The following MYO15A variants were observed in gnomAD, a reference collection of about 807,000 sequenced individuals.
MYO15A encodes myosin XVA, also known as unconventional myosin-XV.
A neutral mutation model predicts 394.6 loss-of-function variants in MYO15A; 308 were observed. The observed-to-expected ratio is 0.78, with a 90% confidence interval of 0.71 to 0.86. The LOEUF (loss-of-function observed/expected upper bound fraction) is 0.86. Among genes scored for constraint, MYO15A ranks in the 40% least tolerant of loss-of-function variants. The pLI, the probability that MYO15A is intolerant of heterozygous loss-of-function variation, is 0.00. For synonymous variants in MYO15A, 1,957 were observed against 2,003.8 expected (o/e 0.98, Z 0.62); for missense variants, 4,606 against 4,799.1 (o/e 0.96, Z 1.19).
At chr17:18,109,911 G>A (rs2045701464) in intron 1 of MYO15A, 1 of 152,104 alleles carries the variant, frequency 6.6e-6, no homozygotes, top group African/African-American at 2.4e-5. Flanking sequence ...TCTCATTTCG[G>A]AACCCTCCTT....
Position 18,130,856 on chromosome 17 carries a change from GTGTGTGTGTGTGTGTC to G in MYO15A, c.4038+50_4038+65del, listed in dbSNP as rs781571271. On this transcript the variant is annotated intron_variant, in intron 8 of 65. Transcript: ENST00000647165. ...TGTGTGTGTGTGTGTGTGTGTGTGT[GTGTGTGTGTGTGTGTC>G]TGTCCAGGAAAATGCGTGTGGATGT... 664 of 1,541,748 alleles carry G rather than the reference GTGTGTGTGTGTGTGTC, an allele frequency of 4.3e-4. 2 individuals carry two copies. In the African/African-American group the frequency reaches 7.4e-3, roughly 17 times the overall value.
At position 18,153,956 on chromosome 17, in the gene MYO15A, C is replaced by T. The variant is rs112370598; in HGVS notation, c.8088+60C>T. The T allele has an allele frequency of 1.9e-6, 3 of 1,609,020 alleles. No individual in the cohort carries two copies. The highest frequency in any genetic ancestry group is 2.7e-5 in the African/African-American group (2 of 74,728). On this transcript the variant is annotated intron_variant, in intron 43 of 65. Coordinates refer to ENST00000647165, the MANE Select transcript of MYO15A (RefSeq NM_016239.4). The surrounding 1 kb of genome is among the most constrained non-coding windows in gnomAD (Gnocchi z 4.1). The stretch of plus-strand genomic sequence containing the variant: ...AAGCGGGGCAGGGGAGGGGCTGAAG[C>T]GAGCAGAGGAGGGTCTAGGACTTGG...
chr17:18,131,182 C>G (rs2046155176), intron 8 of MYO15A, 57 bp from the exon 9 acceptor site: 1 of 1,507,290 alleles, frequency 6.6e-7, no homozygotes, highest in Admixed American at 1.7e-5. Flanking sequence ...GCCCCCCACC[C>G]AGGCCCCCAG....
chr17:18,149,249 C>A lies in MYO15A; in HGVS notation c.6990C>A (p.Asp2330Glu). The A allele has an allele frequency of 6.2e-7, 1 of 1,614,036 alleles. No homozygotes were observed. Among genetic ancestry groups the A allele is most frequent in the Middle Eastern group, 1.6e-4 (1 of 6,062 alleles). The change falls in exon 34 of 66, where the codon GAC becomes GAA. Residue 2330 changes from aspartate to glutamate, a missense_variant. Asp to Glu is a conservative substitution (Grantham distance 45, BLOSUM62 2). Around this residue, in one of 2 missense-constraint regions of MYO15A, gnomAD observed 2,776 missense variants for 3,109.3 expected, o/e 0.89. Transcript: ENST00000647165. The stretch of plus-strand genomic sequence containing the variant: ...GGAACAGCTGGGACTCGGATGAGGA[C>A]ATGTCCACTAGACCCCAGCCCCAGG... ...VFGNSWDSDE[D>E]MSTRPQPQEH...
At chr17:18,168,888 G>C (rs1435097116) in intron 62 of MYO15A, among the ~76,000 whole-genome samples, 1 of 151,546 alleles carries the variant, frequency 6.6e-6, no homozygotes, top group African/African-American at 2.4e-5. Context: ...GATCACCAGA[G>C]GTCAGGAGTT....
Position 18,118,767 on chromosome 17 carries a change from C to T in MYO15A, c.-34C>T, listed in dbSNP as rs374326586. ...CTCCAAGTCCCTGAGCCCGTGACACCGGCCCCAGGCCCTGTAGAGAGCAGG... is the reference window on the plus strand; with the variant it reads ...CTCCAAGTCCCTGAGCCCGTGACACTGGCCCCAGGCCCTGTAGAGAGCAGG... On this transcript the variant is annotated 5_prime_UTR_variant, in exon 2 of 66. Coordinates refer to ENST00000647165, the MANE Select transcript of MYO15A (RefSeq NM_016239.4). 3.1e-6 allele frequency: 5 copies of T among 1,607,166 alleles called. No homozygotes were observed. The East Asian group carries it at 6.7e-5, about 22-fold the overall frequency.
rs1480347181 is a variant in MYO15A at position 18,118,780 on chromosome 17, T to C, written c.-21T>C. The C allele has an allele frequency of 1.9e-6, 3 of 1,607,574 alleles. No individual in the cohort carries two copies. Reference sequence around the variant, plus strand: ...AGCCCGTGACACCGGCCCCAGGCCCTGTAGAGAGCAGGCAGCCACCATGGC... The same window carrying C: ...AGCCCGTGACACCGGCCCCAGGCCCCGTAGAGAGCAGGCAGCCACCATGGC... On this transcript the variant is annotated 5_prime_UTR_variant, in exon 2 of 66. Coordinates refer to ENST00000647165, the MANE Select transcript of MYO15A (RefSeq NM_016239.4).
Position 18,157,815 on chromosome 17 carries a change from C to A in MYO15A, c.8882C>A (p.Thr2961Lys), listed in dbSNP as rs1347316160. ...GCCCCCGACTTCCTGCAGCTGCCAA[C>A]GGAGCCAGGCCGCGGCCGAGCAGCC... Reference protein sequence around the residue: ...AAAPDFLQLPTEPGRGRAAAV... With the variant: ...AAAPDFLQLPKEPGRGRAAAV... Residue 2961 changes from threonine (T) to lysine (K), a missense_variant, in exon 51 of 66, where the codon ACG (threonine) becomes AAG (lysine). By Grantham distance (78) the Thr-to-Lys change is moderately conservative (BLOSUM62 -1). Coordinates refer to ENST00000647165, the MANE Select transcript of MYO15A (RefSeq NM_016239.4). The A allele has an allele frequency of 6.9e-6, 11 of 1,599,538 alleles. No individual in the cohort carries two copies. In the East Asian group the frequency reaches 1.8e-4, roughly 26 times the overall value.
intron 65 of MYO15A, 78 bp from the exon 66 acceptor site, chr17:18,178,691 C>T (rs769342567): frequency 1.4e-6 from 2 of 1,398,404 alleles, no homozygotes; most frequent in Non-Finnish European, 2.0e-6. Context: ...CCAACCACCT[C>T]TCCATTCTGT....
At position 18,126,842 on chromosome 17, in the gene MYO15A, A is replaced by G; in HGVS notation, c.3918A>G (p.Lys1306=). 6.2e-7 allele frequency: 1 copy of G among 1,613,838 alleles called. No homozygotes were observed. The change falls in exon 6 of 66, where the codon AAA becomes AAG. Residue 1306 remains lysine, a synonymous_variant. Coordinates refer to ENST00000647165, the MANE Select transcript of MYO15A (RefSeq NM_016239.4). ...CCTTCGCCAAAATGCTCGATGCCAAACAGAACCAGTGCATAATCATTAGGT... is the reference window on the plus strand; with the variant it reads ...CCTTCGCCAAAATGCTCGATGCCAAGCAGAACCAGTGCATAATCATTAGGT... ...NLAFAKMLDA[K]QNQCIIISGE...
At chr17:18,173,485 A>G (rs371934117) in intron 64 of MYO15A, 1 of 425,510 alleles carries the variant, frequency 2.4e-6, no homozygotes. Context: ...TTTGATGTGA[A>G]GTTCAGGGCA....
At chr17:18,130,864 G>GTGTGTGTGTGTT in intron 8 of MYO15A, 54 bp downstream of exon 8, 1 of 1,501,700 alleles carries the variant, frequency 6.7e-7, no homozygotes, top group Non-Finnish European at 9.1e-7. Flanking sequence ...GTGTGTGTGT[G>GTGTGTGTGTGTT]TGTGTGTCTG....
intron 65 of MYO15A, among the ~76,000 whole-genome samples, chr17:18,175,555 T>C (rs1183921800): frequency 2.0e-5 from 3 of 152,230 alleles, no homozygotes; most frequent in East Asian, 3.9e-4. Context: ...CTTCCCAAAG[T>C]GTAGGGAGGG....
rs1359550044 is a variant in MYO15A at position 18,160,889 on chromosome 17, C to T, written c.9387-428C>T. Reference sequence around the variant, plus strand: ...CCTCCTGTCTCCATCTGTACTACCTCCTCACTTGCTCTCCATCTCCTCAGG... The same window carrying T: ...CCTCCTGTCTCCATCTGTACTACCTTCTCACTTGCTCTCCATCTCCTCAGG... On this transcript the variant is annotated intron_variant, in intron 56 of 65. Coordinates refer to ENST00000647165, the MANE Select transcript of MYO15A (RefSeq NM_016239.4). 8.3e-6 allele frequency: 3 copies of T among 360,278 alleles called. No homozygotes were observed. In the Admixed American group the frequency reaches 1.1e-4, roughly 14 times the overall value. 22.3% of individuals were successfully genotyped at this position (360,278 alleles called of 1,614,324 possible). A position where few individuals can be genotyped will look rare whatever the true frequency, so the allele number is the denominator to read the frequency against.
At position 18,149,031 on chromosome 17, in the gene MYO15A, C is replaced by G. The variant is rs535269220; in HGVS notation, c.6956+79C>G. The G allele has an allele frequency of 9.9e-5, 151 of 1,519,346 alleles. No homozygotes were observed. The African/African-American group carries it at 1.8e-3, about 18-fold the overall frequency. The allele number at this position is 1,519,346 out of a possible 1,614,324, so 94.1% of individuals were successfully genotyped here. Reference sequence around the variant, plus strand: ...GGCCACTCCCAGGCAGAAGGCCTGCCCCTCCCAGCTGCTGGGACAGGCTGA... The same window carrying G: ...GGCCACTCCCAGGCAGAAGGCCTGCGCCTCCCAGCTGCTGGGACAGGCTGA... On this transcript the variant is annotated intron_variant, in intron 33 of 65. Transcript: ENST00000647165.
At position 18,119,204 on chromosome 17, in the gene MYO15A, A is replaced by G. The variant is rs936492503; in HGVS notation, c.404A>G (p.Asn135Ser). ...RSLSKASTAINWLTKKFLLKK... is the reference protein window; with the variant it reads ...RSLSKASTAISWLTKKFLLKK... ...CTCAGCAAAGCGTCCACGGCCATCAACTGGCTCACAAAAAAGTTCCTCCTC... is the reference window on the plus strand; with the variant it reads ...CTCAGCAAAGCGTCCACGGCCATCAGCTGGCTCACAAAAAAGTTCCTCCTC... Residue 135 changes from asparagine (N) to serine (S), a missense_variant, in exon 2 of 66, where the codon AAC (asparagine) becomes AGC (serine). Coordinates refer to ENST00000647165, the MANE Select transcript of MYO15A (RefSeq NM_016239.4). 6.2e-6 allele frequency: 10 copies of G among 1,612,376 alleles called. No individual in the cohort carries two copies. Among genetic ancestry groups the G allele is most frequent in the Non-Finnish European group, 7.6e-6 (9 of 1,179,908 alleles).
At position 18,159,692 on chromosome 17, in the gene MYO15A, A is replaced by G. The variant is rs1442040316; in HGVS notation, c.9303+13A>G. On this transcript the variant is annotated intron_variant, in intron 55 of 65. Transcript: ENST00000647165. ...TAACCTCCTGAAGGTCAGTCCAGCC[A>G]ACTTTGCCAGATGCCCCCTTTCCTG... The G allele has an allele frequency of 6.2e-7, 1 of 1,613,896 alleles. No individual in the cohort carries two copies. The highest frequency in any genetic ancestry group is 8.5e-7 in the Non-Finnish European group (1 of 1,179,930).
At chr17:18,161,221 T>G in intron 56 of MYO15A, 96 bp from the exon 57 acceptor site, 89 of 1,509,240 alleles carry the variant, frequency 5.9e-5, no homozygotes, top group Non-Finnish European at 7.3e-5. Context: ...AGGAGCTGCC[T>G]GAGAGTTGGA....
chr17:18,120,219 C>G lies in MYO15A; in HGVS notation c.1419C>G (p.Leu473=), dbSNP rs758171361. The G allele has an allele frequency of 5.5e-5, 89 of 1,612,666 alleles. No homozygotes were observed. The highest frequency in any genetic ancestry group is 1.3e-4 in the Admixed American group (8 of 60,002). ...MDKPARSKLS[L]IRKFRLFPRP... ...AGCCCGCCAGGTCCAAGCTGTCCCT[C>G]ATCCGCAAGTTCCGCCTCTTCCCGC... is the stretch of plus-strand genomic sequence containing the variant. The change falls in exon 2 of 66, where the codon CTC becomes CTG. Residue 473 remains leucine, a synonymous_variant. Transcript: ENST00000647165.
Sources: gnomAD v4.1 joint callset for allele counts (sites outside exome capture counted in the v4.1 genomes callset) on GRCh38, gnomAD v4.1.1 for gene constraint, gnomAD v4.1.1 regional missense constraint, Gnocchi (gnomAD v3.1) non-coding constraint, MANE v1.5 for transcripts, NCBI Gene and HGNC (gene_info 2026-07-23, HGNC 2026-07-21) for gene names.